Variants in PPIP5K2 observed in about 807,000 individuals in gnomAD.
The protein encoded by PPIP5K2 is inositol hexakisphosphate and diphosphoinositol-pentakisphosphate kinase 2.
PPIP5K2 carries 105 observed loss-of-function variants against 154.6 expected under a neutral mutation model. The observed-to-expected ratio is 0.68, with a 90% confidence interval of 0.58 to 0.80. The LOEUF is 0.80. Among genes scored for constraint, PPIP5K2 ranks in the 30% least tolerant of loss-of-function variants. The pLI, the probability that PPIP5K2 is intolerant of heterozygous loss-of-function variation, is 0.00. For missense variants in PPIP5K2, 992 were observed against 1,504.6 expected (o/e 0.66, Z 5.64); for synonymous variants, 480 against 490.3 (o/e 0.98, Z 0.28).
intron 26 of PPIP5K2, 135 bp downstream of exon 26, chr5:103,184,879 G>A: frequency 1.7e-6 from 1 of 582,970 alleles, no homozygotes; most frequent in East Asian, 3.0e-5. Context: ...ATTCAGAAAT[G>A]TTGAGTTGTA....
intron 30 of PPIP5K2, among the ~76,000 whole-genome samples, chr5:103,199,249 C>G (rs1291164787): frequency 6.6e-6 from 1 of 152,102 alleles, no homozygotes; most frequent in Non-Finnish European, 1.5e-5. Context: ...GCTCTCTATT[C>G]CTTCCTTGAA....
intron 5 of PPIP5K2, among the ~76,000 whole-genome samples, chr5:103,142,107 G>A (rs560336914): frequency 1.3e-5 from 2 of 152,182 alleles, no homozygotes; most frequent in African/African-American, 2.4e-5. Flanking sequence ...GGGGAGGCTC[G>A]GGCCGCACAG....
intron 26 of PPIP5K2, 121 bp from the exon 27 acceptor site, chr5:103,186,199 C>A: frequency 8.1e-7 from 1 of 1,237,806 alleles, no homozygotes; most frequent in East Asian, 2.5e-5. Flanking sequence ...TGAGCCTGTT[C>A]AAGGCACTTC....
In PPIP5K2 at chr5:103,138,371, C is replaced by G. The variant is rs782649642; in HGVS notation, c.402-13C>G. On this transcript the variant is annotated splice_polypyrimidine_tract_variant and intron_variant, in intron 4 of 30. Coordinates refer to ENST00000358359, the MANE Select transcript of PPIP5K2 (RefSeq NM_001276277.3). ...AGCAATAAAACAATAAGGATGTTTC[C>G]CTTTTTCTTCAGGAGAGAAGTATAT... 6.9e-7 allele frequency: 1 copy of G among 1,445,118 alleles called. No homozygotes were observed. Among genetic ancestry groups the G allele is most frequent in the Admixed American group, 2.0e-5 (1 of 49,698 alleles). The allele number at this position is 1,445,118 out of a possible 1,614,324, so 89.5% of individuals were successfully genotyped here. A position where few individuals can be genotyped will look rare whatever the true frequency, so the allele number is the denominator to read the frequency against.
intron 19 of PPIP5K2, among the ~76,000 whole-genome samples, chr5:103,170,864 T>C (rs1797879728): frequency 6.6e-6 from 1 of 151,572 alleles, no homozygotes; most frequent in African/African-American, 2.4e-5. Flanking sequence ...TACATAGTTC[T>C]CAAGCAAATA....
intron 2 of PPIP5K2, among the ~76,000 whole-genome samples, chr5:103,131,726 G>A (rs1790649221): frequency 6.6e-6 from 1 of 151,962 alleles, no homozygotes; most frequent in Non-Finnish European, 1.5e-5. Flanking sequence ...CTGTTTTTAA[G>A]ACTTCAAAGA....
chr5:103,155,404 G>GTGTTTTTTTT, intron 13 of PPIP5K2, among the ~76,000 whole-genome samples: 1 of 23,946 alleles, frequency 4.2e-5, no homozygotes, highest in South Asian at 1.8e-3. Context: ...CTTCAGAGTT[G>GTGTTTTTTTT]TCTTTTTTTT....
At chr5:103,194,753 A>G in intron 29 of PPIP5K2, 147 bp from the exon 30 acceptor site, 1 of 756,498 alleles carries the variant, frequency 1.3e-6, no homozygotes, top group Non-Finnish European at 2.1e-6. Context: ...TATTAAAAAA[A>G]GGTGATTTTG....
chr5:103,148,446 C>G (rs1309428396), intron 7 of PPIP5K2: 1 of 191,648 alleles, frequency 5.2e-6, no homozygotes, highest in Non-Finnish European at 1.1e-5. Flanking sequence ...TGATATAAAA[C>G]ATGTCTGTCA....
At chr5:103,137,298 G>A (rs1379953231) in intron 4 of PPIP5K2, among the ~76,000 whole-genome samples, 2 of 151,888 alleles carry the variant, frequency 1.3e-5, no homozygotes, top group Non-Finnish European at 2.9e-5. Flanking sequence ...GAGTAGCTGG[G>A]ATTACAGGCG....
intron 19 of PPIP5K2, among the ~76,000 whole-genome samples, chr5:103,171,450 C>A (rs1055562530): frequency 1.3e-5 from 2 of 151,416 alleles, no homozygotes; most frequent in Non-Finnish European, 3.0e-5. Context: ...TTGAAATCAC[C>A]ATAGAAAGCT....
chr5:103,136,693 T>G, intron 3 of PPIP5K2, 39 bp from the exon 4 acceptor site: 179 of 1,497,334 alleles, frequency 1.2e-4, no homozygotes, highest in Non-Finnish European at 1.6e-4. Context: ...ATGCTTATCT[T>G]GAGATAATAC....
chr5:103,140,012 C>A (rs1393663780), intron 5 of PPIP5K2, among the ~76,000 whole-genome samples: 1 of 152,108 alleles, frequency 6.6e-6, no homozygotes, highest in Non-Finnish European at 1.5e-5. Context: ...AACACACTTA[C>A]AGGACTAAAG....
chr5:103,161,351 G>A (rs1554215710), intron 17 of PPIP5K2, among the ~76,000 whole-genome samples: 1 of 152,072 alleles, frequency 6.6e-6, no homozygotes, highest in East Asian at 1.9e-4. Context: ...TCTTAATCTA[G>A]TCTATCATTG....
intron 21 of PPIP5K2, among the ~76,000 whole-genome samples, chr5:103,176,429 A>G (rs191480742): frequency 6.6e-6 from 1 of 152,144 alleles, no homozygotes; most frequent in East Asian, 1.9e-4. Flanking sequence ...TTTGAAAAAA[A>G]TACATCTTTT....
At chr5:103,196,914 C>G (rs1368501191) in intron 30 of PPIP5K2, among the ~76,000 whole-genome samples, 1 of 151,976 alleles carries the variant, frequency 6.6e-6, no homozygotes, top group African/African-American at 2.4e-5. Context: ...AAAGAAGGAT[C>G]ATCAACCAGG....
chr5:103,168,311 G>A lies in PPIP5K2; in HGVS notation c.2286+16G>A, dbSNP rs782563150. On this transcript the variant is annotated intron_variant, in intron 19 of 30. Coordinates refer to ENST00000358359, the MANE Select transcript of PPIP5K2 (RefSeq NM_001276277.3). The stretch of plus-strand genomic sequence containing the variant: ...TATCCCTCAGGTAAGTCATTCTTAA[G>A]AATCAATTTCTTATAATATTGAAAA... 2 of 1,535,740 alleles carry A rather than the reference G, an allele frequency of 1.3e-6. No individual in the cohort carries two copies. Among genetic ancestry groups the A allele is most frequent in the East Asian group, 2.3e-5 (1 of 44,034 alleles).
At chr5:103,186,299 A>G (rs375937311) in intron 26 of PPIP5K2, 21 bp from the exon 27 acceptor site, 9 of 1,613,076 alleles carry the variant, frequency 5.6e-6, no homozygotes, top group Non-Finnish European at 6.8e-6. Flanking sequence ...TTGTGTATGT[A>G]TTTTCTCTAA....
intron 28 of PPIP5K2, among the ~76,000 whole-genome samples, chr5:103,190,215 T>C (rs1469778823): frequency 6.6e-6 from 1 of 152,048 alleles, no homozygotes; most frequent in East Asian, 1.9e-4. Flanking sequence ...TGTATTTGTA[T>C]TGCTTTTTAC....
Sources: allele counts gnomAD v4.1 joint callset (sites outside exome capture counted in the v4.1 genomes callset), GRCh38; gene constraint gnomAD v4.1.1; transcripts MANE v1.5; gene names NCBI Gene and HGNC (gene_info 2026-07-23, HGNC 2026-07-21).